PTPRD: variants seen among roughly 807,000 people sequenced by gnomAD.
The protein encoded by PTPRD is receptor-type tyrosine-protein phosphatase delta.
PTPRD carries 34 observed loss-of-function variants against 214.5 expected under a neutral mutation model. The ratio of observed to expected loss-of-function variants is 0.16; its 90% CI spans 0.12 to 0.21. PTPRD has a LOEUF of 0.21. Among genes scored for constraint, PTPRD ranks in the 10% least tolerant of loss-of-function variants. The pLI is 1.00. For missense variants in PTPRD, 2,545 were observed against 2,398.7 expected, an observed-to-expected ratio of 1.06 and a Z score of -1.27; for synonymous variants, 1,128 against 845.7, an observed-to-expected ratio of 1.33 and a Z score of -5.79.
At chr9:10,233,340 C>A (rs1039702910) in intron 3 of PTPRD, among the ~76,000 whole-genome samples, 7 of 151,950 alleles carry the variant, frequency 4.6e-5, no homozygotes, top group Admixed American at 2.6e-4. Flanking sequence ...CTAGATCCTT[C>A]ATTGTTTTGT....
chr9:10,268,095 T>C (rs774567677), intron 3 of PTPRD, among the ~76,000 whole-genome samples: 9 of 148,852 alleles, frequency 6.0e-5, no homozygotes, highest in South Asian at 2.1e-4. Context: ...CTAAGCAACA[T>C]AGCAAACCCC....
chr9:9,320,029 C>T (rs1965634031), intron 9 of PTPRD, among the ~76,000 whole-genome samples: 1 of 152,076 alleles, frequency 6.6e-6, no homozygotes, highest in Non-Finnish European at 1.5e-5. Context: ...AAGTTCATCA[C>T]TAATGTTTGA....
chr9:8,925,856 A>AT lies in PTPRD; in HGVS notation c.-104+92840dup, dbSNP rs1491416793. ...TCAATTTGTCAGCTGGACTATTGCA[A>AT]TATTTTTTTTTTTTTTTTTTTACTG... On this transcript the variant is annotated intron_variant, in intron 11 of 45. Transcript: ENST00000381196. Among the ~76,000 whole-genome samples the AT allele has an allele frequency of 1.3e-4, 10 of 77,200 alleles. No individual in the cohort carries two copies. In the South Asian group the frequency reaches 1.5e-3, roughly 12 times the overall value. The allele number at this position is 77,200 out of a possible 152,430, so 50.6% of individuals were successfully genotyped here.
chr9:10,114,857 T>C (rs778400493), intron 3 of PTPRD, among the ~76,000 whole-genome samples: 6 of 151,974 alleles, frequency 3.9e-5, no homozygotes, highest in Non-Finnish European at 8.8e-5. Flanking sequence ...AGATCTCAAG[T>C]TCTACTTTAG....
chr9:8,931,319 A>G (rs553024254), intron 11 of PTPRD, among the ~76,000 whole-genome samples: 6 of 151,898 alleles, frequency 4.0e-5, no homozygotes, highest in African/African-American at 1.4e-4. Context: ...CCATTGGTCT[A>G]TATCTGTGTT....
intron 8 of PTPRD, among the ~76,000 whole-genome samples, chr9:9,458,039 G>C (rs931371551): frequency 1.3e-5 from 2 of 151,970 alleles, no homozygotes; most frequent in African/African-American, 4.8e-5. Context: ...ATAAAATTTG[G>C]TGAGACAATT....
chr9:9,520,652 C>A (rs2096948764), intron 8 of PTPRD, among the ~76,000 whole-genome samples: 1 of 152,100 alleles, frequency 6.6e-6, no homozygotes, highest in Non-Finnish European at 1.5e-5. Context: ...AATTATTTTC[C>A]ATTTTTGGCA....
chr9:10,250,048 G>T (rs1005484821), intron 3 of PTPRD, among the ~76,000 whole-genome samples: 1 of 150,806 alleles, frequency 6.6e-6, no homozygotes. Context: ...TATTAAGATG[G>T]GACCTCAGCT....
At chr9:9,620,456 C>T (rs1299737533) in intron 7 of PTPRD, among the ~76,000 whole-genome samples, 1 of 152,110 alleles carries the variant, frequency 6.6e-6, no homozygotes, top group African/African-American at 2.4e-5. Context: ...AGAGCTGTAT[C>T]ATCTGAACTG....
chr9:9,127,706 G>A (rs937243792), intron 10 of PTPRD, among the ~76,000 whole-genome samples: 4 of 152,092 alleles, frequency 2.6e-5, no homozygotes, highest in Admixed American at 1.3e-4. Context: ...GACGGGAGGT[G>A]TAAATTTATA....
chr9:9,653,603 AG>A lies in PTPRD; in HGVS notation c.-286-78823del, dbSNP rs572738918. 2.1e-3 allele frequency among the ~76,000 whole-genome samples: 323 copies of A among 152,288 alleles called. 2 individuals carry two copies. The highest frequency in any genetic ancestry group is 7.2e-3 in the African/African-American group (299 of 41,570). ...AGGCTGCTTACCTGTTTTTGTGGTT[AG>A]AAACATTACTGAACAGCATGAGGTC... is the stretch of plus-strand genomic sequence containing the variant. On this transcript the variant is annotated intron_variant, in intron 7 of 45. Transcript: ENST00000381196.
At chr9:9,638,770 C>G (rs113865432) in intron 7 of PTPRD, among the ~76,000 whole-genome samples, 1 of 152,138 alleles carries the variant, frequency 6.6e-6, no homozygotes, top group Non-Finnish European at 1.5e-5. Context: ...CGCAAACTAA[C>G]TTATAACCAA....
intron 10 of PTPRD, among the ~76,000 whole-genome samples, chr9:9,111,121 G>T (rs1256529589): frequency 1.3e-5 from 2 of 150,938 alleles, no homozygotes; most frequent in Non-Finnish European, 2.9e-5. Flanking sequence ...AGGAACATCT[G>T]ACCTACACTA....
intron 2 of PTPRD, among the ~76,000 whole-genome samples, chr9:10,390,377 C>T (rs1586962209): frequency 6.6e-6 from 1 of 151,776 alleles, no homozygotes; most frequent in Non-Finnish European, 1.5e-5. Context: ...CTCATCTCTT[C>T]TTTTCTGGAT....
chr9:9,269,923 G>C (rs1225521349), intron 9 of PTPRD, among the ~76,000 whole-genome samples: 1 of 150,996 alleles, frequency 6.6e-6, no homozygotes, highest in Non-Finnish European at 1.5e-5. Flanking sequence ...ATAGGCTCGG[G>C]AGACCTAACG....
intron 9 of PTPRD, among the ~76,000 whole-genome samples, chr9:9,275,069 T>C (rs560128136): frequency 7.3e-4 from 48 of 65,696 alleles, no homozygotes; most frequent in African/African-American, 2.7e-3. Context: ...ATATATATTA[T>C]ATATATATAT....
intron 11 of PTPRD, among the ~76,000 whole-genome samples, chr9:8,820,138 T>C (rs2097020512): frequency 6.6e-6 from 1 of 152,198 alleles, no homozygotes. Context: ...ACTTTCTATA[T>C]ATACATATAT....
chr9:9,792,395 A>G (rs2098974333), intron 5 of PTPRD, among the ~76,000 whole-genome samples: 1 of 152,144 alleles, frequency 6.6e-6, no homozygotes, highest in Non-Finnish European at 1.5e-5. Context: ...TATCTTTAAG[A>G]GCTTTTTCAT....
chr9:9,520,958 A>G (rs1323618929), intron 8 of PTPRD, among the ~76,000 whole-genome samples: 1 of 152,202 alleles, frequency 6.6e-6, no homozygotes, highest in African/African-American at 2.4e-5. Context: ...GAGGCTTGTA[A>G]AAATTGTAGA....
Sources: gnomAD v4.1 joint callset for allele counts (sites outside exome capture counted in the v4.1 genomes callset) on GRCh38, gnomAD v4.1.1 for gene constraint, MANE v1.5 for transcripts, NCBI Gene and HGNC (gene_info 2026-07-23, HGNC 2026-07-21) for gene names.